HFM1: variants seen among roughly 807,000 people sequenced by gnomAD.
The protein encoded by HFM1 is probable ATP-dependent DNA helicase HFM1.
HFM1 carries 169 observed loss-of-function variants against 192.1 expected under a neutral mutation model. The ratio of observed to expected loss-of-function variants is 0.88; its 90% CI spans 0.78 to 1.00. HFM1 has a LOEUF of 1.00. Among genes scored for constraint, HFM1 ranks in the 50% least tolerant of loss-of-function variants. The pLI is 0.00. For synonymous variants in HFM1, 525 were observed against 537.8 expected (o/e 0.98, Z 0.33); for missense variants, 1,661 against 1,668.0 (o/e 1.00, Z 0.07).
At chr1:91,295,998 G>A (rs1261144815) in intron 30 of HFM1, among the ~76,000 whole-genome samples, 1 of 151,776 alleles carries the variant, frequency 6.6e-6, no homozygotes, top group Non-Finnish European at 1.5e-5. Context: ...TGGCAATCTC[G>A]GCTCACTGCA....
chr1:91,302,058 A>G (rs1273901614), intron 30 of HFM1, among the ~76,000 whole-genome samples: 4 of 141,318 alleles, frequency 2.8e-5, no homozygotes, highest in African/African-American at 1.1e-4. Context: ...TCCAGAATCT[A>G]CAATGAACTC....
chr1:91,351,832 T>C (rs902363204), intron 16 of HFM1, among the ~76,000 whole-genome samples, 189 bp from the exon 17 acceptor site: 4 of 151,982 alleles, frequency 2.6e-5, no homozygotes, highest in African/African-American at 9.7e-5. Flanking sequence ...AGAGTATAGC[T>C]GTAAATATCA....
intron 35 of HFM1, 119 bp downstream of exon 35, chr1:91,267,626 A>G (rs1665892666): frequency 1.8e-6 from 1 of 556,972 alleles, no homozygotes; most frequent in Non-Finnish European, 3.1e-6. Flanking sequence ...ATCTTAACAA[A>G]CCAAATCTAA....
At chr1:91,294,149 T>C (rs1056312145) in intron 30 of HFM1, among the ~76,000 whole-genome samples, 13 of 151,380 alleles carry the variant, frequency 8.6e-5, no homozygotes, top group Admixed American at 7.9e-4. Context: ...TGTATACATA[T>C]GTAACTAACC....
intron 3 of HFM1, 127 bp downstream of exon 3, chr1:91,396,166 T>C: frequency 2.1e-6 from 1 of 477,882 alleles, no homozygotes; most frequent in East Asian, 3.3e-5. Flanking sequence ...GTATACATAT[T>C]TTGGGGGCAT....
chr1:91,404,060 G>C (rs938425282), intron 1 of HFM1, among the ~76,000 whole-genome samples: 14 of 152,214 alleles, frequency 9.2e-5, no homozygotes, highest in Non-Finnish European at 1.5e-4. Context: ...AACATTTACG[G>C]GAATAACCGA....
At chr1:91,329,533 T>C (rs1456490835) in intron 20 of HFM1, 20 of 1,458,874 alleles carry the variant, frequency 1.4e-5, no homozygotes, top group Admixed American at 2.1e-5. Context: ...TGTTTCCCCA[T>C]TATACCTCCT....
At chr1:91,313,520 A>C (rs1381042432) in intron 29 of HFM1, 25 bp from the exon 30 acceptor site, 2 of 1,519,746 alleles carry the variant, frequency 1.3e-6, no homozygotes, top group Non-Finnish European at 1.8e-6. Flanking sequence ...AAAAGTACAC[A>C]AATGTTTATT....
At chr1:91,349,536 C>T (rs1656653439) in intron 18 of HFM1, among the ~76,000 whole-genome samples, 1 of 152,180 alleles carries the variant, frequency 6.6e-6, no homozygotes, top group African/African-American at 2.4e-5. Context: ...AAGTCAGCTG[C>T]CATGCTATGA....
chr1:91,271,421 T>C (rs1402131094), intron 34 of HFM1, among the ~76,000 whole-genome samples: 3 of 152,178 alleles, frequency 2.0e-5, no homozygotes, highest in African/African-American at 7.2e-5. Context: ...TGGTTCCTTT[T>C]CTTGTGCTTA....
At chr1:91,386,501 T>C (rs942350573) in intron 4 of HFM1, among the ~76,000 whole-genome samples, 5 of 152,208 alleles carry the variant, frequency 3.3e-5, no homozygotes, top group Non-Finnish European at 5.9e-5. Context: ...CCAGAACTAC[T>C]AGCTAAGTTG....
chr1:91,355,923 C>T (rs947257228), intron 13 of HFM1, among the ~76,000 whole-genome samples: 1 of 152,124 alleles, frequency 6.6e-6, no homozygotes, highest in Non-Finnish European at 1.5e-5. Flanking sequence ...ATACGCTTCT[C>T]TAGAGCATAC....
intron 20 of HFM1, among the ~76,000 whole-genome samples, chr1:91,324,977 G>GTCACAAGAATC (rs1652668218): frequency 6.6e-6 from 1 of 152,158 alleles, no homozygotes; most frequent in African/African-American, 2.4e-5. Flanking sequence ...GAAAAGTACT[G>GTCACAAGAATC]TCACAAGAAT....
intron 30 of HFM1, among the ~76,000 whole-genome samples, chr1:91,298,038 GA>G (rs1300571986): frequency 2.6e-5 from 4 of 151,776 alleles, no homozygotes; most frequent in Admixed American, 2.0e-4. Context: ...TAAAAACCTT[GA>G]AAAAAAATTA....
At chr1:91,335,848 T>C (rs2101574515) in intron 20 of HFM1, among the ~76,000 whole-genome samples, 1 of 152,134 alleles carries the variant, frequency 6.6e-6, no homozygotes, top group East Asian at 1.9e-4. Flanking sequence ...TTTCATGAGA[T>C]GGCCCCAGTC....
Position 91,378,484 on chromosome 1 carries a change from G to C in HFM1, c.1159-4C>G, listed in dbSNP as rs1260084696. Reference sequence around the variant, plus strand: ...TAGTCATGCTATCCCATTTTTCCTAGAGAGAAAAAAAAGCATACAAGTAGT... The same window carrying C: ...TAGTCATGCTATCCCATTTTTCCTACAGAGAAAAAAAAGCATACAAGTAGT... On this transcript the variant is annotated splice_polypyrimidine_tract_variant and splice_region_variant and intron_variant, in intron 9 of 38. Transcript: ENST00000370425. 2.6e-6 allele frequency: 4 copies of C among 1,566,930 alleles called. No individual in the cohort carries two copies. The highest frequency in any genetic ancestry group is 1.4e-5 in the African/African-American group (1 of 73,584).
chr1:91,391,476 A>G (rs1327310567), intron 4 of HFM1, among the ~76,000 whole-genome samples: 1 of 152,222 alleles, frequency 6.6e-6, no homozygotes, highest in African/African-American at 2.4e-5. Context: ...ATCTTTGACA[A>G]ACCTGACAAA....
intron 1 of HFM1, among the ~76,000 whole-genome samples, chr1:91,403,956 C>G (rs1380339963): frequency 6.6e-6 from 1 of 152,020 alleles, no homozygotes; most frequent in African/African-American, 2.4e-5. Context: ...AATTTTTACT[C>G]AGAAACATAC....
At chr1:91,339,386 A>G (rs1655030774) in intron 20 of HFM1, among the ~76,000 whole-genome samples, 1 of 152,056 alleles carries the variant, frequency 6.6e-6, no homozygotes, top group South Asian at 2.1e-4. Flanking sequence ...CAATCCAAGA[A>G]ATCTAAGGAA....
Sources: allele counts gnomAD v4.1 joint callset (sites outside exome capture counted in the v4.1 genomes callset), GRCh38; gene constraint gnomAD v4.1.1; transcripts MANE v1.5; gene names NCBI Gene and HGNC (gene_info 2026-07-23, HGNC 2026-07-21).